The following HS6ST3 variants were observed in gnomAD, a reference collection of about 807,000 sequenced individuals.
The protein encoded by HS6ST3 is heparan sulfate 6-O-sulfotransferase 3.
Under a neutral mutation model 36.7 loss-of-function variants are expected in HS6ST3, and 12 were observed. That is an observed-to-expected ratio of 0.33 (90% confidence interval 0.21 to 0.53). HS6ST3 has a LOEUF of 0.53. Among genes scored for constraint, HS6ST3 ranks in the 20% least tolerant of loss-of-function variants. The pLI, the probability that HS6ST3 is intolerant of heterozygous loss-of-function variation, is 0.95. For missense variants in HS6ST3, 584 were observed against 640.9 expected (o/e 0.91, Z 0.96); for synonymous variants, 240 against 257.5 (o/e 0.93, Z 0.65).
In HS6ST3 at chr13:96,329,450, A is replaced by T. The variant is rs2055052562; in HGVS notation, c.707+237881A>T. Among the ~76,000 whole-genome samples, 3 of 145,952 alleles carry T rather than the reference A, an allele frequency of 2.1e-5. No homozygotes were observed. In the South Asian group the frequency reaches 6.7e-4, roughly 32 times the overall value. The stretch of plus-strand genomic sequence containing the variant: ...TCATTTCGTTATGTACCCAGTAGTC[A>T]TTCAGGAGCAGGTTGTTCAGTTTCC... On this transcript the variant is annotated intron_variant, in intron 1 of 1. Coordinates refer to ENST00000376705, the MANE Select transcript of HS6ST3 (RefSeq NM_153456.4).
chr13:96,172,464 T>G (rs2054192904), intron 1 of HS6ST3, among the ~76,000 whole-genome samples: 1 of 152,182 alleles, frequency 6.6e-6, no homozygotes, highest in Admixed American at 6.5e-5. Context: ...CCACTTAGCA[T>G]TGGGTCCTCT....
intron 1 of HS6ST3, among the ~76,000 whole-genome samples, chr13:96,130,820 T>G (rs1034054872): frequency 1.3e-5 from 2 of 151,196 alleles, no homozygotes; most frequent in African/African-American, 4.9e-5. Flanking sequence ...TCCTTCCTAG[T>G]CTGGAACTTC....
At chr13:96,452,635 C>G (rs2055733745) in intron 1 of HS6ST3, among the ~76,000 whole-genome samples, 1 of 151,792 alleles carries the variant, frequency 6.6e-6, no homozygotes, top group Non-Finnish European at 1.5e-5. Context: ...TTCTAATATG[C>G]AATTAAGGGA....
At chr13:96,198,326 G>A (rs2054324313) in intron 1 of HS6ST3, among the ~76,000 whole-genome samples, 1 of 152,164 alleles carries the variant, frequency 6.6e-6, no homozygotes, top group African/African-American at 2.4e-5. Context: ...GTGGCCTGGA[G>A]TCATTTCCTC....
chr13:96,564,154 G>C (rs939489035), intron 1 of HS6ST3, among the ~76,000 whole-genome samples: 2 of 152,170 alleles, frequency 1.3e-5, no homozygotes, highest in African/African-American at 4.8e-5. Flanking sequence ...TTTCCACAGA[G>C]CATGAGTAAT....
At chr13:96,535,278 C>T (rs542985223) in intron 1 of HS6ST3, among the ~76,000 whole-genome samples, 61 of 151,964 alleles carry the variant, frequency 4.0e-4, no homozygotes, top group African/African-American at 1.1e-3. Context: ...GAATCTTGGC[C>T]GGGCATGGTG....
chr13:96,381,933 G>T (rs1461147757), intron 1 of HS6ST3, among the ~76,000 whole-genome samples: 1 of 152,160 alleles, frequency 6.6e-6, no homozygotes, highest in Non-Finnish European at 1.5e-5. Flanking sequence ...CCCATGCAGG[G>T]TTGTCACACA....
rs2054731634 is a variant in HS6ST3 at position 96,273,575 on chromosome 13, A to G, written c.707+182006A>G. ...AACTGAATCTTTGTTCCTTTAAGCT[A>G]CTGAGGCTTGGAGTTGTTTGTTGCT... On this transcript the variant is annotated intron_variant, in intron 1 of 1. Transcript: ENST00000376705. Among the ~76,000 whole-genome samples the G allele has an allele frequency of 2.0e-5, 3 of 152,078 alleles. No individual in the cohort carries two copies. The South Asian group carries it at 6.2e-4, about 32-fold the overall frequency.
At chr13:96,401,181 G>A (rs2055449350) in intron 1 of HS6ST3, among the ~76,000 whole-genome samples, 1 of 152,072 alleles carries the variant, frequency 6.6e-6, no homozygotes. Flanking sequence ...CTTGCCTTTT[G>A]TACCTTACTG....
chr13:96,372,254 G>T (rs966992163), intron 1 of HS6ST3, among the ~76,000 whole-genome samples: 9 of 151,974 alleles, frequency 5.9e-5, no homozygotes, highest in African/African-American at 4.8e-5. Context: ...ACCATTTTTT[G>T]CATACCTGTT....
intron 1 of HS6ST3, among the ~76,000 whole-genome samples, chr13:96,591,493 A>G (rs1450716398): frequency 1.3e-5 from 2 of 151,962 alleles, no homozygotes; most frequent in Non-Finnish European, 2.9e-5. Flanking sequence ...TCTTTTTCAG[A>G]TTGTTCACTG....
intron 1 of HS6ST3, among the ~76,000 whole-genome samples, chr13:96,672,552 C>T (rs1211516815): frequency 6.6e-6 from 1 of 152,088 alleles, no homozygotes; most frequent in African/African-American, 2.4e-5. Flanking sequence ...CAGATTCATC[C>T]TTTGAAGTCT....
intron 1 of HS6ST3, among the ~76,000 whole-genome samples, chr13:96,789,504 T>G (rs186412351): frequency 1.3e-5 from 2 of 152,048 alleles, no homozygotes; most frequent in African/African-American, 2.4e-5. Flanking sequence ...TATCTGCCAT[T>G]TCTGTTGCTC....
chr13:96,592,495 T>C (rs1201250391), intron 1 of HS6ST3, among the ~76,000 whole-genome samples: 1 of 152,188 alleles, frequency 6.6e-6, no homozygotes, highest in African/African-American at 2.4e-5. Context: ...TCTGTGTACT[T>C]ACTATTACCA....
chr13:96,454,068 C>A (rs1442559807), intron 1 of HS6ST3, among the ~76,000 whole-genome samples: 1 of 152,124 alleles, frequency 6.6e-6, no homozygotes, highest in African/African-American at 2.4e-5. Flanking sequence ...ACTCCCCCAC[C>A]CCTAGCTTAC....
At chr13:96,599,410 C>T (rs138964330) in intron 1 of HS6ST3, among the ~76,000 whole-genome samples, 101 of 152,064 alleles carry the variant, frequency 6.6e-4, no homozygotes, top group African/African-American at 2.3e-3. Flanking sequence ...TCTCTAGATT[C>T]CCTAGTGTGC....
At chr13:96,574,032 T>A in intron 1 of HS6ST3, 1 of 543,744 alleles carries the variant, frequency 1.8e-6, no homozygotes, top group Non-Finnish European at 3.7e-6. Context: ...CCCTGTCTGC[T>A]CTTTGTGACA....
At chr13:96,110,665 C>T (rs936180303) in intron 1 of HS6ST3, among the ~76,000 whole-genome samples, 1 of 152,076 alleles carries the variant, frequency 6.6e-6, no homozygotes, top group Non-Finnish European at 1.5e-5. Flanking sequence ...ACCTCCTGAT[C>T]CCCCCGCCTC....
chr13:96,654,557 C>T (rs561863951), intron 1 of HS6ST3, among the ~76,000 whole-genome samples: 13 of 152,100 alleles, frequency 8.5e-5, no homozygotes, highest in Admixed American at 6.5e-4. Context: ...TGTTCTGTTC[C>T]CTTGGTCTAT....
Sources: allele counts gnomAD v4.1 joint callset (sites outside exome capture counted in the v4.1 genomes callset), GRCh38; gene constraint gnomAD v4.1.1; transcripts MANE v1.5; gene names NCBI Gene and HGNC (gene_info 2026-07-23, HGNC 2026-07-21).